The following KANK3 variants were observed in gnomAD, a reference collection of about 807,000 sequenced individuals.
KANK3 encodes KN motif and ankyrin repeat domains 3, also known as KN motif and ankyrin repeat domain-containing protein 3.
In KANK3, 61 loss-of-function variants were observed where a neutral mutation model predicts 65.4. The ratio of observed to expected loss-of-function variants is 0.93; its 90% CI spans 0.76 to 1.15. The LOEUF (loss-of-function observed/expected upper bound fraction) is 1.15. KANK3 is among the 50% of genes most tolerant of loss of function. The pLI is 0.00. For missense variants in KANK3, 1,187 were observed against 1,178.8 expected (o/e 1.01, Z -0.10); for synonymous variants, 586 against 543.3 (o/e 1.08, Z -1.09).
In KANK3 at chr19:8,335,421, C is replaced by T; in HGVS notation, c.406G>A (p.Glu136Lys). The T allele has an allele frequency of 8.3e-7, 1 of 1,211,406 alleles. No homozygotes were observed. Among genetic ancestry groups the T allele is most frequent in the Non-Finnish European group, 1.0e-6 (1 of 974,568 alleles). The allele number at this position is 1,211,406 out of a possible 1,614,324, so 75.0% of individuals were successfully genotyped here. The change falls in exon 3 of 11, where the codon GAG becomes AAG. Residue 136 changes from glutamate to lysine, a missense_variant. This residue lies in a region of KANK3 where 1,078 missense variants were observed against 1,038.2 expected (regional missense o/e 1.04). Coordinates refer to ENST00000330915, the MANE Select transcript of KANK3 (RefSeq NM_198471.3). ...GCCAGCTCCAGCCGCCGGCTGGTCT[C>T]CCGGAGCGTGTGCTCGACGCGCGGG... ...RNPRVEHTLR[E>K]TSRRLELAQT...
intron 7 of KANK3, among the ~76,000 whole-genome samples, chr19:8,330,025 GA>G (rs1440155101): frequency 1.3e-5 from 2 of 152,174 alleles, no homozygotes; most frequent in African/African-American, 2.4e-5. Flanking sequence ...GGAGCTACTT[GA>G]GGTCAGAGGT....
At chr19:8,340,291 T>TATATATATATATATATATATATATACAC (rs1472181365) in intron 1 of KANK3, among the ~76,000 whole-genome samples, 56 of 92,778 alleles carry the variant, frequency 6.0e-4, no homozygotes, top group South Asian at 2.2e-3. Context: ...TATATATATA[T>TATATATATATATATATATATATATACAC]ACACACACAC....
In KANK3 at chr19:8,333,846, G is replaced by A; in HGVS notation, c.1635-38C>T. On this transcript the variant is annotated intron_variant, in intron 5 of 10. Transcript: ENST00000330915. This position sits in a 1 kb window ranked among gnomAD's most constrained non-coding sequence, Gnocchi z 5.0. ...CCAGGAGAGACTCAGGATGGATCGGGGACAGCGCCGACCAGGAGGAGGGCA... is the reference window on the plus strand; with the variant it reads ...CCAGGAGAGACTCAGGATGGATCGGAGACAGCGCCGACCAGGAGGAGGGCA... 6.5e-7 allele frequency: 1 copy of A among 1,547,430 alleles called. No homozygotes were observed. The highest frequency in any genetic ancestry group is 2.4e-5 in the East Asian group (1 of 40,878).
At chr19:8,323,600 G>C (rs930288994) in intron 10 of KANK3, 1 of 152,024 alleles carries the variant, frequency 6.6e-6, no homozygotes, top group South Asian at 2.1e-4. Context: ...GGGCATGGTA[G>C]CACGTGCCTG....
chr19:8,335,285 G>T lies in KANK3; in HGVS notation c.542C>A (p.Ala181Asp). Residue 181 changes from alanine to aspartate, a missense_variant, in exon 3 of 11, where the codon GCC becomes GAC. Around this residue, in one of 3 missense-constraint regions of KANK3, gnomAD observed 1,078 missense variants for 1,038.2 expected, o/e 1.04. Transcript: ENST00000330915. ...PNLAPASPGP[A>D]QLQLVREQMA... ...CTGCTCGCGCACCAGCTGCAGTTGG[G>T]CAGGGCCGGGCGAAGCAGGGGCAAG... 8.3e-7 allele frequency: 1 copy of T among 1,209,794 alleles called. No individual in the cohort carries two copies. The highest frequency in any genetic ancestry group is 3.5e-5 in the East Asian group (1 of 28,200). The allele number at this position is 1,209,794 out of a possible 1,614,324, so 74.9% of individuals were successfully genotyped here. A position where few individuals can be genotyped will look rare whatever the true frequency, so the allele number is the denominator to read the frequency against.
intron 7 of KANK3, among the ~76,000 whole-genome samples, chr19:8,325,793 G>C (rs977738200): frequency 4.5e-4 from 69 of 152,012 alleles, no homozygotes; most frequent in Non-Finnish European, 1.5e-4. Flanking sequence ...CCTTCTCTCT[G>C]AATCCACTCC....
In KANK3 at chr19:8,322,702, C is replaced by T. The variant is rs1399560024; in HGVS notation, c.*137G>A. 9 of 658,342 alleles carry T rather than the reference C, an allele frequency of 1.4e-5. No homozygotes were observed. The highest frequency in any genetic ancestry group is 2.1e-5 in the Non-Finnish European group (8 of 381,026). The allele number at this position is 658,342 out of a possible 1,614,324, so 40.8% of individuals were successfully genotyped here. A position where few individuals can be genotyped will look rare whatever the true frequency, so the allele number is the denominator to read the frequency against. ...TGAGCCCCTTCCTGCCACAGTCACC[C>T]CAACTGAAATTGCCTTTCTCTTCGG... On this transcript the variant is annotated 3_prime_UTR_variant, in exon 11 of 11. Coordinates refer to ENST00000330915, the MANE Select transcript of KANK3 (RefSeq NM_198471.3).
At chr19:8,325,773 C>A (rs968034178) in intron 7 of KANK3, among the ~76,000 whole-genome samples, 4 of 152,152 alleles carry the variant, frequency 2.6e-5, no homozygotes, top group Non-Finnish European at 5.9e-5. Flanking sequence ...AGAACAGTGC[C>A]AGCCTCCACC....
In KANK3 at chr19:8,322,696, G is replaced by A; in HGVS notation, c.*143C>T. ...CCAGAGTGAGCCCCTTCCTGCCACA[G>A]TCACCCCAACTGAAATTGCCTTTCT... On this transcript the variant is annotated 3_prime_UTR_variant, in exon 11 of 11. Transcript: ENST00000330915. 1 of 644,120 alleles carries A rather than the reference G, an allele frequency of 1.6e-6. No individual in the cohort carries two copies. The allele number at this position is 644,120 out of a possible 1,614,324, so 39.9% of individuals were successfully genotyped here.
At chr19:8,337,632 C>G (rs972208020) in intron 2 of KANK3, among the ~76,000 whole-genome samples, 163 bp downstream of exon 2, 4 of 152,152 alleles carry the variant, frequency 2.6e-5, no homozygotes, top group Non-Finnish European at 5.9e-5. Context: ...AGGCATGAGC[C>G]ACCGCACCCG....
intron 2 of KANK3, 66 bp downstream of exon 2, chr19:8,337,729 C>G: frequency 1.3e-6 from 2 of 1,578,856 alleles, no homozygotes; most frequent in Non-Finnish European, 1.7e-6. Flanking sequence ...CGTCCACACA[C>G]AAGGGCATCA....
rs1292634911 is a variant in KANK3, at chr19:8,324,689, G to A, written c.2224C>T (p.Leu742=). ...ALMCASEYGR[L]DTVRLLLTQP... ...GTGAGCAGCAGCCGCACGGTGTCCA[G>A]GCGCCCATACTCACTGGCACACATC... is the stretch of plus-strand genomic sequence containing the variant. The change falls in exon 9 of 11, where the codon CTG becomes TTG. Residue 742 remains leucine (L), a synonymous_variant. Transcript: ENST00000330915. The A allele has an allele frequency of 1.2e-6, 2 of 1,614,068 alleles. No individual in the cohort carries two copies. The highest frequency in any genetic ancestry group is 1.1e-5 in the South Asian group (1 of 91,092).
At chr19:8,324,371 G>T in intron 10 of KANK3, 78 bp downstream of exon 10, 2 of 1,311,282 alleles carry the variant, frequency 1.5e-6, no homozygotes, top group Non-Finnish European at 2.1e-6. Flanking sequence ...CAGAAAGGGA[G>T]GCTCAGGGCA....
At chr19:8,331,220 G>C (rs560244481) in intron 7 of KANK3, among the ~76,000 whole-genome samples, 3 of 51,262 alleles carry the variant, frequency 5.9e-5, no homozygotes, top group African/African-American at 3.0e-4. Context: ...AAAAAGGGGT[G>C]GGGGGGGGAT....
Position 8,324,550 on chromosome 19 carries a change from G to C in KANK3, c.2284-3C>G, listed in dbSNP as rs754652803. ...ATGGCCAGGGCACTGGTGCCCTCCT[G>C]TGGAACGTTAGGGACAGTCAGATCC... On this transcript the variant is annotated splice_polypyrimidine_tract_variant and splice_region_variant and intron_variant, in intron 9 of 10. Coordinates refer to ENST00000330915, the MANE Select transcript of KANK3 (RefSeq NM_198471.3). The C allele has an allele frequency of 1.8e-5, 29 of 1,613,594 alleles. No individual in the cohort carries two copies. Among genetic ancestry groups the C allele is most frequent in the South Asian group, 4.4e-5 (4 of 91,080 alleles).
In KANK3 at chr19:8,333,382, G is replaced by A; in HGVS notation, c.1720-152C>T. The A allele has an allele frequency of 3.0e-6, 2 of 671,952 alleles. No individual in the cohort carries two copies. The highest frequency in any genetic ancestry group is 1.9e-5 in the South Asian group (1 of 51,806). The allele number at this position is 671,952 out of a possible 1,614,324, so 41.6% of individuals were successfully genotyped here. ...TCCTCGTCCAGGTGGGGAGCCATGC[G>A]AACCCAGATGGAGGGCTGGGGCCAC... On this transcript the variant is annotated intron_variant, in intron 6 of 10. Transcript: ENST00000330915. The surrounding 1 kb of genome is among the most constrained non-coding windows in gnomAD (Gnocchi z 5.0).
chr19:8,331,815 A>T (rs2913952), intron 7 of KANK3, among the ~76,000 whole-genome samples: 24,438 of 151,892 alleles, frequency 0.16, 2,238 homozygotes, highest in Non-Finnish European at 0.21. Flanking sequence ...CTGTATTATC[A>T]TAGGTACCCA....
In KANK3 at chr19:8,333,987, A is replaced by T; in HGVS notation, c.1557T>A (p.Pro519=). The T allele has an allele frequency of 6.4e-7, 1 of 1,564,178 alleles. No homozygotes were observed. Among genetic ancestry groups the T allele is most frequent in the East Asian group, 2.4e-5 (1 of 42,234 alleles). The change falls in exon 5 of 11, where the codon CCT becomes CCA. Residue 519 remains proline (P), a synonymous_variant. Coordinates refer to ENST00000330915, the MANE Select transcript of KANK3 (RefSeq NM_198471.3). The surrounding 1 kb of genome is among the most constrained non-coding windows in gnomAD (Gnocchi z 5.0). ...GGATGTCCCCGCCGCTGGGAGGGCCAGGGGTGCCCGAGTCGGATCCCCCGC... is the reference window on the plus strand; with the variant it reads ...GGATGTCCCCGCCGCTGGGAGGGCCTGGGGTGCCCGAGTCGGATCCCCCGC... The part of the protein sequence containing the change: ...DSGGGSDSGT[P]GPPSGGDIRD...
chr19:8,334,491 G>A lies in KANK3; in HGVS notation c.1327+9C>T. 6.2e-7 allele frequency: 1 copy of A among 1,606,760 alleles called. No homozygotes were observed. The highest frequency in any genetic ancestry group is 8.5e-7 in the Non-Finnish European group (1 of 1,179,644). On this transcript the variant is annotated intron_variant, in intron 3 of 10. Transcript: ENST00000330915. Reference sequence around the variant, plus strand: ...TAAGCCAGGGCCCAGCGACGGGGTCGGGACTCACCCGCGGGCGCCACGGCC... The same window carrying A: ...TAAGCCAGGGCCCAGCGACGGGGTCAGGACTCACCCGCGGGCGCCACGGCC...
Sources: allele counts gnomAD v4.1 joint callset (sites outside exome capture counted in the v4.1 genomes callset), GRCh38; gene constraint gnomAD v4.1.1; regional missense constraint gnomAD v4.1.1; non-coding constraint Gnocchi (gnomAD v3.1); transcripts MANE v1.5; gene names NCBI Gene and HGNC (gene_info 2026-07-23, HGNC 2026-07-21).